PACRG: variants seen among roughly 807,000 people sequenced by gnomAD.
The protein encoded by PACRG is parkin coregulated.
PACRG carries 29 observed loss-of-function variants against 29.7 expected under a neutral mutation model. The ratio of observed to expected loss-of-function variants is 0.98; its 90% CI spans 0.73 to 1.33. The LOEUF (loss-of-function observed/expected upper bound fraction) is 1.33, where lower values mean the gene tolerates loss of function less well. Ranked by LOEUF, PACRG falls within the 40% of genes most tolerant of loss-of-function variation. PACRG has a pLI of 0.00. For missense variants in PACRG, 279 were observed against 316.2 expected, an observed-to-expected ratio of 0.88 and a Z score of 0.89; for synonymous variants, 116 against 118.7, an observed-to-expected ratio of 0.98 and a Z score of 0.15.
chr6:162,973,764 ATGTG>A (rs113495406), intron 2 of PACRG, among the ~76,000 whole-genome samples: 4 of 151,274 alleles, frequency 2.6e-5, no homozygotes, highest in South Asian at 2.1e-4. Context: ...GTGTGTGTGT[ATGTG>A]TGTGTGTGTG....
intron 4 of PACRG, among the ~76,000 whole-genome samples, chr6:163,255,057 G>C (rs1401157234): frequency 6.6e-6 from 1 of 152,218 alleles, no homozygotes; most frequent in Non-Finnish European, 1.5e-5. Flanking sequence ...AGGTTAGCAA[G>C]TTAACCTGGA....
intron 1 of PACRG, among the ~76,000 whole-genome samples, chr6:162,743,443 A>G (rs1780751148): frequency 1.3e-5 from 2 of 152,156 alleles, no homozygotes; most frequent in Non-Finnish European, 2.9e-5. Flanking sequence ...GTCATATCAT[A>G]CATATATCAT....
intron 4 of PACRG, among the ~76,000 whole-genome samples, chr6:163,230,184 T>C (rs16894665): frequency 0.15 from 22,466 of 152,214 alleles, 1,768 homozygotes; most frequent in Admixed American, 0.2. Context: ...TTAGCAAATA[T>C]GAATCTTCTT....
chr6:162,810,441 T>C (rs1327310634), intron 1 of PACRG, among the ~76,000 whole-genome samples: 1 of 152,024 alleles, frequency 6.6e-6, no homozygotes, highest in East Asian at 1.9e-4. Flanking sequence ...AGAGTGAATG[T>C]AAAAATATAA....
intron 4 of PACRG, among the ~76,000 whole-genome samples, chr6:163,232,901 A>G (rs746011773): frequency 6.6e-5 from 10 of 151,940 alleles, no homozygotes; most frequent in Non-Finnish European, 1.3e-4. Context: ...TCCACCCCCG[A>G]AACCAGCCCT....
At chr6:163,299,043 C>T (rs779396356) in intron 4 of PACRG, among the ~76,000 whole-genome samples, 10 of 152,210 alleles carry the variant, frequency 6.6e-5, no homozygotes, top group Non-Finnish European at 1.5e-4. Flanking sequence ...GGTTACCTGG[C>T]ATATTACCGG....
chr6:162,999,800 A>G (rs1346864622), intron 2 of PACRG, among the ~76,000 whole-genome samples: 3 of 152,250 alleles, frequency 2.0e-5, no homozygotes, highest in African/African-American at 7.2e-5. Context: ...GTGAAATATC[A>G]TTAATCCTGG....
At chr6:162,769,826 A>AT (rs1783080543) in intron 1 of PACRG, among the ~76,000 whole-genome samples, 1 of 151,962 alleles carries the variant, frequency 6.6e-6, no homozygotes, top group Admixed American at 6.6e-5. Flanking sequence ...ATGACACTAT[A>AT]TAAGTGTCAT....
intron 4 of PACRG, among the ~76,000 whole-genome samples, chr6:163,148,958 T>A (rs1164959973): frequency 4.0e-3 from 10 of 2,488 alleles, no homozygotes; most frequent in African/African-American, 0.017. Flanking sequence ...GAAAAATCTA[T>A]GGCGGGGGGG....
At chr6:162,926,081 G>A (rs567247087) in intron 2 of PACRG, among the ~76,000 whole-genome samples, 2 of 152,122 alleles carry the variant, frequency 1.3e-5, no homozygotes, top group East Asian at 3.9e-4. Context: ...AAAATACCTA[G>A]GAATACAGCT....
intron 4 of PACRG, among the ~76,000 whole-genome samples, chr6:163,225,396 A>G (rs1181900015): frequency 6.6e-6 from 1 of 151,744 alleles, no homozygotes; most frequent in Non-Finnish European, 1.5e-5. Context: ...TTAGCTCCTC[A>G]CTCCCTCTCT....
intron 2 of PACRG, among the ~76,000 whole-genome samples, chr6:162,836,313 C>G (rs889519067): frequency 6.6e-6 from 1 of 152,040 alleles, no homozygotes; most frequent in Non-Finnish European, 1.5e-5. Flanking sequence ...CTGGGTCTAG[C>G]TTGGTACAGG....
chr6:162,839,716 T>C (rs1332130414), intron 2 of PACRG, among the ~76,000 whole-genome samples: 5 of 152,262 alleles, frequency 3.3e-5, no homozygotes, highest in Non-Finnish European at 7.3e-5. Context: ...CTAGGGTTTT[T>C]ATGGTTTGAG....
intron 2 of PACRG, among the ~76,000 whole-genome samples, chr6:162,969,250 A>C (rs988164090): frequency 6.6e-6 from 1 of 152,088 alleles, no homozygotes; most frequent in Non-Finnish European, 1.5e-5. Context: ...TTCAAGACAG[A>C]AAACCGAGAG....
chr6:163,065,169 C>A (rs1451265137), intron 3 of PACRG, among the ~76,000 whole-genome samples: 1 of 152,102 alleles, frequency 6.6e-6, no homozygotes, highest in Admixed American at 6.5e-5. Context: ...CTCCCTTTTC[C>A]CTCCCACCTT....
intron 4 of PACRG, among the ~76,000 whole-genome samples, chr6:163,236,565 AC>A (rs144503815): frequency 0.094 from 14,256 of 152,166 alleles, 1,472 homozygotes; most frequent in African/African-American, 0.24. Context: ...ACTGTGTTAC[AC>A]AAGATTCCGG....
intron 2 of PACRG, among the ~76,000 whole-genome samples, chr6:163,034,729 A>G (rs549663228): frequency 9.3e-4 from 141 of 152,072 alleles, no homozygotes; most frequent in Non-Finnish European, 1.7e-3. Flanking sequence ...CCACTTACCT[A>G]GTTAGCCTTT....
At chr6:163,165,894 G>C (rs1202897063) in intron 4 of PACRG, 2 of 356,778 alleles carry the variant, frequency 5.6e-6, no homozygotes, top group Non-Finnish European at 1.1e-5. Context: ...GAATGAAAGG[G>C]CTTCATTGCA....
chr6:162,764,462 A>G (rs1782625975), intron 1 of PACRG, among the ~76,000 whole-genome samples: 1 of 152,200 alleles, frequency 6.6e-6, no homozygotes, highest in Non-Finnish European at 1.5e-5. Context: ...TTATTAGAAT[A>G]ATATTTGAGA....
Sources: allele counts gnomAD v4.1 joint callset (sites outside exome capture counted in the v4.1 genomes callset), GRCh38; gene constraint gnomAD v4.1.1; transcripts MANE v1.5; gene names NCBI Gene and HGNC (gene_info 2026-07-23, HGNC 2026-07-21).